Variants in NXN observed in about 807,000 individuals in gnomAD.
NXN encodes the protein nucleoredoxin.
Under a neutral mutation model 48.6 loss-of-function variants are expected in NXN, and 16 were observed. The ratio of observed to expected loss-of-function variants is 0.33; its 90% CI spans 0.22 to 0.50. The LOEUF (loss-of-function observed/expected upper bound fraction) is 0.50, where lower values mean the gene tolerates loss of function less well. Ranked by LOEUF, NXN falls within the 20% of genes least tolerant of loss-of-function variation. The pLI is 0.98. For missense variants in NXN, 492 were observed against 605.5 expected (o/e 0.81, Z 1.97); for synonymous variants, 281 against 269.6 (o/e 1.04, Z -0.41).
At chr17:951,887 G>C (rs1417755215) in intron 1 of NXN, among the ~76,000 whole-genome samples, 1 of 152,188 alleles carries the variant, frequency 6.6e-6, no homozygotes, top group Non-Finnish European at 1.5e-5. Context: ...GGGCACCCGG[G>C]AAGGGGAGCT....
intron 1 of NXN, among the ~76,000 whole-genome samples, chr17:885,186 G>A (rs961204116): frequency 6.6e-6 from 1 of 152,172 alleles, no homozygotes; most frequent in African/African-American, 2.4e-5. Context: ...ATATGCGGCC[G>A]GTCGCAGTGG....
chr17:941,404 C>T (rs1338471881), intron 1 of NXN, among the ~76,000 whole-genome samples: 187 of 120,982 alleles, frequency 1.5e-3, no homozygotes, highest in Middle Eastern at 6.6e-3. Context: ...CCAAACACCT[C>T]CCTGGATTTA....
At chr17:870,621 G>A (rs930076535) in intron 1 of NXN, among the ~76,000 whole-genome samples, 1 of 151,910 alleles carries the variant, frequency 6.6e-6, no homozygotes, top group African/African-American at 2.4e-5. Context: ...CAGGTGTGGT[G>A]TCCCGTGCCT....
At chr17:943,719 G>C (rs1273378766) in intron 1 of NXN, among the ~76,000 whole-genome samples, 1 of 151,940 alleles carries the variant, frequency 6.6e-6, no homozygotes, top group Non-Finnish European at 1.5e-5. Context: ...CTACGACTCG[G>C]GGGGCTGAGA....
At chr17:812,579 G>A (rs1912138280) in intron 5 of NXN, among the ~76,000 whole-genome samples, 1 of 152,120 alleles carries the variant, frequency 6.6e-6, no homozygotes, top group Admixed American at 6.5e-5. Context: ...GTCTGTGTGT[G>A]CACGTGTGTG....
chr17:965,647 A>G (rs1239723691), intron 1 of NXN, among the ~76,000 whole-genome samples: 5 of 152,144 alleles, frequency 3.3e-5, no homozygotes, highest in Admixed American at 3.3e-4. Flanking sequence ...CTAGCGGCAT[A>G]ACCCCCCAAC....
chr17:822,401 C>T lies in NXN; in HGVS notation c.669G>A (p.Lys223=). 1.9e-6 allele frequency: 3 copies of T among 1,614,098 alleles called. No individual in the cohort carries two copies. In the East Asian group the frequency reaches 6.7e-5, roughly 36 times the overall value. The change falls in exon 4 of 8, where the codon AAG becomes AAA. Residue 223 remains lysine (K), a synonymous_variant. Coordinates refer to ENST00000336868, the MANE Select transcript of NXN (RefSeq NM_022463.5). The stretch of plus-strand genomic sequence containing the variant: ...TGATCTCGAAGTTCTGGCCTGCCTC[C>T]TTGATCTTCCGGTAGGATTCCACCA... The part of the protein sequence containing the change: ...RVLVESYRKI[K]EAGQNFEIIF...
At chr17:884,082 G>A (rs187318809) in intron 1 of NXN, among the ~76,000 whole-genome samples, 66 of 152,202 alleles carry the variant, frequency 4.3e-4, no homozygotes, top group Non-Finnish European at 8.4e-4. Context: ...TTAGCCGGGC[G>A]TGGTGGTGGG....
rs552741754 is a variant in NXN, at chr17:876,772, G to A, written c.361-50694C>T. Among the ~76,000 whole-genome samples, 7 of 152,248 alleles carry A rather than the reference G, an allele frequency of 4.6e-5. No homozygotes were observed. In the East Asian group the frequency reaches 1.2e-3, roughly 25 times the overall value. On this transcript the variant is annotated intron_variant, in intron 1 of 7. Coordinates refer to ENST00000336868, the MANE Select transcript of NXN (RefSeq NM_022463.5). ...TCAAAATTAACTCTTGGCCGGGCGC[G>A]GGGGCTCACGCCTGGAATCCCAGCA...
intron 1 of NXN, among the ~76,000 whole-genome samples, chr17:938,361 C>G (rs2068932533): frequency 6.6e-6 from 1 of 152,254 alleles, no homozygotes; most frequent in Non-Finnish European, 1.5e-5. Context: ...CAGCTCACAG[C>G]TAGTGCGAAG....
rs530507779 is a variant in NXN, at chr17:919,475, G to A, written c.360+59844C>T. On this transcript the variant is annotated intron_variant, in intron 1 of 7. Coordinates refer to ENST00000336868, the MANE Select transcript of NXN (RefSeq NM_022463.5). The surrounding 1 kb of genome is among the most constrained non-coding windows in gnomAD (Gnocchi z 5.1). ...TTAAGATGCTAGAAAACGTGTTATT[G>A]TAACACGAGGAAAAAGCCCTGTAAT... Among the ~76,000 whole-genome samples the A allele has an allele frequency of 2.0e-5, 3 of 152,284 alleles. No homozygotes were observed. The highest frequency in any genetic ancestry group is 7.2e-5 in the African/African-American group (3 of 41,540).
chr17:908,165 T>TACAC (rs1242499999), intron 1 of NXN: 18 of 152,184 alleles, frequency 1.2e-4, no homozygotes, highest in East Asian at 1.2e-3. Flanking sequence ...ACAGTAGGGG[T>TACAC]GAGCTATAAA....
In NXN at chr17:882,849, G is replaced by A. The variant is rs539900792; in HGVS notation, c.361-56771C>T. Among the ~76,000 whole-genome samples the A allele has an allele frequency of 1.1e-3, 167 of 152,136 alleles. 1 individual carries two copies. Among genetic ancestry groups the A allele is most frequent in the African/African-American group, 3.9e-3 (160 of 41,500 alleles). On this transcript the variant is annotated intron_variant, in intron 1 of 7. Transcript: ENST00000336868. ...GCGATCTTGGCTTGCTGCAACCTCT[G>A]TCTCCCGGGTTCAAGCGATTCTCTT...
intron 1 of NXN, among the ~76,000 whole-genome samples, chr17:828,760 T>C (rs1365699361): frequency 6.6e-6 from 1 of 152,136 alleles, no homozygotes; most frequent in Non-Finnish European, 1.5e-5. Context: ...GAATTCAGAT[T>C]AAACATCCTT....
At chr17:862,361 C>T in intron 1 of NXN, among the ~76,000 whole-genome samples, 1 of 152,110 alleles carries the variant, frequency 6.6e-6, no homozygotes, top group Non-Finnish European at 1.5e-5. Context: ...AAAACATAAA[C>T]ATAAAAATAA....
chr17:965,042 G>A (rs1004367879), intron 1 of NXN, among the ~76,000 whole-genome samples: 4 of 152,148 alleles, frequency 2.6e-5, no homozygotes, highest in East Asian at 1.9e-4. Context: ...CAAGCTCTGC[G>A]CCTTCTGGAC....
At chr17:827,207 G>C (rs899474732) in intron 1 of NXN, among the ~76,000 whole-genome samples, 1 of 152,186 alleles carries the variant, frequency 6.6e-6, no homozygotes, top group African/African-American at 2.4e-5. Flanking sequence ...AGCTGGGCGT[G>C]GTGGCTCACA....
At chr17:843,057 AAGG>A (rs201296800) in intron 1 of NXN, among the ~76,000 whole-genome samples, 196 of 105,938 alleles carry the variant, frequency 1.9e-3, no homozygotes, top group South Asian at 6.0e-3. Context: ...AGAAAGAAAG[AAGG>A]AAGAAAGCAA....
intron 7 of NXN, 146 bp downstream of exon 7, chr17:803,536 C>T: frequency 1.0e-6 from 1 of 996,916 alleles, no homozygotes. Flanking sequence ...GCTACCTTTC[C>T]TTGCCACATT....
Sources: allele counts gnomAD v4.1 joint callset (sites outside exome capture counted in the v4.1 genomes callset), GRCh38; gene constraint gnomAD v4.1.1; non-coding constraint Gnocchi (gnomAD v3.1); transcripts MANE v1.5; gene names NCBI Gene and HGNC (gene_info 2026-07-23, HGNC 2026-07-21).